The following MCM9 variants were observed in gnomAD, a reference collection of about 807,000 sequenced individuals.
MCM9 encodes the protein DNA helicase MCM9.
In MCM9, 55 loss-of-function variants were observed where a neutral mutation model predicts 72.8. The observed-to-expected ratio is 0.76, with a 90% CI of 0.61 to 0.95. The LOEUF (loss-of-function observed/expected upper bound fraction) is 0.95. MCM9 is among the 40% of genes least tolerant of loss of function. The pLI, the probability that MCM9 is intolerant of heterozygous loss-of-function variation, is 0.00. For missense variants in MCM9, 1,279 were observed against 1,377.0 expected (o/e 0.93, Z 1.13); for synonymous variants, 480 against 503.4 (o/e 0.95, Z 0.62).
chr6:118,868,757 C>A (rs1382259659), intron 8 of MCM9, among the ~76,000 whole-genome samples: 2 of 152,158 alleles, frequency 1.3e-5, no homozygotes, highest in Non-Finnish European at 2.9e-5. Context: ...ATTAAAAAGT[C>A]AGGAAATAAC....
rs138872084 is a variant in MCM9 at position 118,901,637 on chromosome 6, A to G, written c.1150+10013T>C. 5.5e-4 allele frequency among the ~76,000 whole-genome samples: 84 copies of G among 152,354 alleles called. 1 individual carries two copies. In the East Asian group the frequency reaches 0.012, roughly 21 times the overall value. ...TTCTTTTAATCCATGTTAAATTGCT[A>G]TATGGAACCATTCAGTTATTCCTCA... On this transcript the variant is annotated intron_variant, in intron 8 of 13. Coordinates refer to ENST00000619706, the MANE Select transcript of MCM9 (RefSeq NM_017696.3).
intron 11 of MCM9, 42 bp downstream of exon 11, chr6:118,827,885 C>A: frequency 1.3e-6 from 2 of 1,532,374 alleles, no homozygotes; most frequent in African/African-American, 1.4e-5. Context: ...CTTGCACACA[C>A]GCAGCATTCA....
chr6:118,911,924 T>A lies in MCM9; in HGVS notation c.1031-155A>T, dbSNP rs1780584399. ...AAAATCTTCAGAAAGTTAACTGTCA[T>A]AAACAGTCCTTAATTGATTACTCAA... is the stretch of plus-strand genomic sequence containing the variant. On this transcript the variant is annotated intron_variant, in intron 7 of 13. Coordinates refer to ENST00000619706, the MANE Select transcript of MCM9 (RefSeq NM_017696.3). 3 of 574,280 alleles carry A rather than the reference T, an allele frequency of 5.2e-6. No homozygotes were observed. In the South Asian group the frequency reaches 7.0e-5, roughly 13 times the overall value. 35.6% of individuals were successfully genotyped at this position (574,280 alleles called of 1,614,324 possible).
intron 8 of MCM9, among the ~76,000 whole-genome samples, chr6:118,902,309 A>G (rs933577841): frequency 6.6e-6 from 1 of 152,082 alleles, no homozygotes; most frequent in African/African-American, 2.4e-5. Context: ...ATAATATTCT[A>G]TCTCATTAAA....
chr6:118,888,314 G>A (rs1019577129), intron 8 of MCM9, among the ~76,000 whole-genome samples: 3 of 152,004 alleles, frequency 2.0e-5, no homozygotes, highest in South Asian at 2.1e-4. Flanking sequence ...GTAAAACCCC[G>A]TCTCTACTAA....
intron 6 of MCM9, among the ~76,000 whole-genome samples, chr6:118,915,077 G>C (rs1780832542): frequency 6.6e-6 from 1 of 152,140 alleles, no homozygotes; most frequent in Non-Finnish European, 1.5e-5. Flanking sequence ...GCATCTTTCT[G>C]ATCTAAAGAT....
At chr6:118,880,118 C>A (rs2114381566) in intron 8 of MCM9, among the ~76,000 whole-genome samples, 1 of 150,774 alleles carries the variant, frequency 6.6e-6, no homozygotes, top group South Asian at 2.1e-4. Flanking sequence ...GAAGGACATG[C>A]AAATAATACC....
chr6:118,869,825 G>A (rs1242476425), intron 8 of MCM9, among the ~76,000 whole-genome samples: 1 of 151,584 alleles, frequency 6.6e-6, no homozygotes, highest in African/African-American at 2.4e-5. Context: ...CCATGCAAAT[G>A]GAAACAAAAA....
rs1773935096 is a variant in MCM9 at position 118,823,245 on chromosome 6, TG to T, written c.1961+2901del. 2.0e-5 allele frequency among the ~76,000 whole-genome samples: 3 copies of T among 152,118 alleles called. No individual in the cohort carries two copies. In the South Asian group the frequency reaches 6.2e-4, roughly 32 times the overall value. On this transcript the variant is annotated intron_variant, in intron 13 of 13. Coordinates refer to ENST00000619706, the MANE Select transcript of MCM9 (RefSeq NM_017696.3). ...CCAGGGCCCTGGTGGTGTAGGCTCA[TG>T]AGGGAATCTTCTGATCCGTGGATTG...
chr6:118,828,523 T>G (rs559353886), intron 10 of MCM9, among the ~76,000 whole-genome samples: 59 of 152,156 alleles, frequency 3.9e-4, no homozygotes, highest in African/African-American at 1.3e-3. Flanking sequence ...GCAGCTGGGA[T>G]TACAGGTGTG....
At chr6:118,837,689 T>C (rs1184026210) in intron 9 of MCM9, among the ~76,000 whole-genome samples, 1 of 152,138 alleles carries the variant, frequency 6.6e-6, no homozygotes, top group East Asian at 1.9e-4. Context: ...AACCCCTGCT[T>C]TTTTTTGCTT....
At chr6:118,879,746 ACT>A (rs1778164850) in intron 8 of MCM9, among the ~76,000 whole-genome samples, 1 of 151,096 alleles carries the variant, frequency 6.6e-6, no homozygotes, top group South Asian at 2.1e-4. Flanking sequence ...AAAAAAAAAA[ACT>A]AATAGAAAGA....
At chr6:118,816,645 T>C (rs1232069614) in intron 13 of MCM9, among the ~76,000 whole-genome samples, 3 of 152,216 alleles carry the variant, frequency 2.0e-5, no homozygotes, top group South Asian at 4.1e-4. Context: ...TCATGTTAAA[T>C]GTTCAAATAC....
In MCM9 at chr6:118,815,980, A is replaced by G; in HGVS notation, c.2276T>C (p.Val759Ala). The change falls in exon 14 of 14, where the codon GTT becomes GCT. Residue 759 changes from valine (V) to alanine (A), a missense_variant. Coordinates refer to ENST00000619706, the MANE Select transcript of MCM9 (RefSeq NM_017696.3). ...ATHQSEPKNTVVVSPHPKTSG... is the reference protein window; with the variant it reads ...ATHQSEPKNTAVVSPHPKTSG... ...TGTTTTGGGATGAGGAGACACAACA[A>G]CAGTGTTTTTAGGTTCACTCTGATG... 2 of 1,550,546 alleles carry G rather than the reference A, an allele frequency of 1.3e-6. No homozygotes were observed. Among genetic ancestry groups the G allele is most frequent in the South Asian group, 1.2e-5 (1 of 84,064 alleles).
chr6:118,921,482 G>A (rs1017834736), intron 5 of MCM9: 1 of 152,226 alleles, frequency 6.6e-6, no homozygotes, highest in Middle Eastern at 3.2e-3. Context: ...TGAAAACATT[G>A]AGGACCCTCA....
At chr6:118,858,463 T>C (rs1776705788) in intron 8 of MCM9, among the ~76,000 whole-genome samples, 1 of 152,056 alleles carries the variant, frequency 6.6e-6, no homozygotes, top group Non-Finnish European at 1.5e-5. Context: ...AAAAGCAAGA[T>C]TTTTTTCTTA....
intron 9 of MCM9, among the ~76,000 whole-genome samples, chr6:118,833,455 C>G (rs933312039): frequency 2.0e-5 from 3 of 152,120 alleles, no homozygotes; most frequent in African/African-American, 7.2e-5. Flanking sequence ...AAGGTAGCCA[C>G]TGTTAAGTAA....
At chr6:118,928,460 C>T (rs1460819741) in intron 3 of MCM9, among the ~76,000 whole-genome samples, 7 of 152,110 alleles carry the variant, frequency 4.6e-5, no homozygotes, top group Non-Finnish European at 8.8e-5. Context: ...GTTTGAGTCA[C>T]AACTCTGTCA....
intron 9 of MCM9, among the ~76,000 whole-genome samples, chr6:118,851,242 G>A (rs1776208013): frequency 6.6e-6 from 1 of 151,820 alleles, no homozygotes; most frequent in African/African-American, 2.4e-5. Context: ...GCACATGGTG[G>A]TCCTGTCATC....
Sources: gnomAD v4.1 joint callset for allele counts (sites outside exome capture counted in the v4.1 genomes callset) on GRCh38, gnomAD v4.1.1 for gene constraint, MANE v1.5 for transcripts, NCBI Gene and HGNC (gene_info 2026-07-23, HGNC 2026-07-21) for gene names.